NTNG1: variants seen among roughly 807,000 people sequenced by gnomAD.
The protein encoded by NTNG1 is netrin-G1.
A neutral mutation model predicts 54.0 loss-of-function variants in NTNG1; 16 were observed. The ratio of observed to expected loss-of-function variants is 0.30; its 90% CI spans 0.20 to 0.45. NTNG1 has a LOEUF of 0.45. Among genes scored for constraint, NTNG1 ranks in the 20% least tolerant of loss-of-function variants. The pLI is 1.00. For synonymous variants in NTNG1, 255 were observed against 263.1 expected (o/e 0.97, Z 0.30); for missense variants, 530 against 678.7 (o/e 0.78, Z 2.43).
chr1:107,277,836 C>T (rs1664583001), intron 2 of NTNG1, among the ~76,000 whole-genome samples: 1 of 152,160 alleles, frequency 6.6e-6, no homozygotes, highest in Non-Finnish European at 1.5e-5. Context: ...CAAGCCTTTT[C>T]TAAATTCCAA....
At chr1:107,183,664 A>C (rs1233672728) in intron 2 of NTNG1, among the ~76,000 whole-genome samples, 2 of 152,118 alleles carry the variant, frequency 1.3e-5, no homozygotes, top group Non-Finnish European at 2.9e-5. Context: ...TGCTTCATAG[A>C]AATGTCACTG....
chr1:107,461,010 AT>A (rs1390040155), intron 7 of NTNG1, among the ~76,000 whole-genome samples: 3 of 152,180 alleles, frequency 2.0e-5, no homozygotes, highest in Non-Finnish European at 4.4e-5. Flanking sequence ...TCCCTGGCCT[AT>A]TTTTAGGCCC....
intron 5 of NTNG1, chr1:107,418,722 A>G: frequency 1.2e-6 from 1 of 840,718 alleles, no homozygotes; most frequent in Non-Finnish European, 1.9e-6. Flanking sequence ...TTTTTAGCAC[A>G]AAATAAGAGC....
intron 4 of NTNG1, among the ~76,000 whole-genome samples, chr1:107,396,938 G>A (rs567941259): frequency 1.2e-4 from 19 of 152,252 alleles, no homozygotes; most frequent in African/African-American, 4.1e-4. Flanking sequence ...TCTTCTACCC[G>A]TAACTGTACT....
rs550762635 is a variant in NTNG1, at chr1:107,311,989, C to T, written c.247-12293C>T. ...GCTATGCTAAAGAATTTGAATGGTACGCTCGAAGGGTAGTGAGAAATCCAT... is the reference window on the plus strand; with the variant it reads ...GCTATGCTAAAGAATTTGAATGGTATGCTCGAAGGGTAGTGAGAAATCCAT... On this transcript the variant is annotated intron_variant, in intron 2 of 7. Transcript: ENST00000370068. 4.6e-5 allele frequency among the ~76,000 whole-genome samples: 7 copies of T among 152,122 alleles called. No individual in the cohort carries two copies. The South Asian group carries it at 8.3e-4, about 18-fold the overall frequency.
In NTNG1 at chr1:107,479,492, G is replaced by A. The variant is rs543511772; in HGVS notation, c.1391-1119G>A. ...ATTTCACCATGACATTTTTAAAAAT[G>A]GAAAATGTTACAATTTATAAAAAGC... On this transcript the variant is annotated intron_variant, in intron 7 of 7. Transcript: ENST00000370068. Among the ~76,000 whole-genome samples, 281 of 152,154 alleles carry A rather than the reference G, an allele frequency of 1.8e-3. 2 individuals are homozygous for A. The highest frequency in any genetic ancestry group is 6.8e-3 in the Middle Eastern group (2 of 294).
intron 6 of NTNG1, among the ~76,000 whole-genome samples, chr1:107,433,783 C>T (rs560683961): frequency 1.2e-4 from 18 of 152,282 alleles, no homozygotes; most frequent in South Asian, 8.3e-4. Context: ...CTGCTTGAGG[C>T]GCTGAGGACA....
intron 5 of NTNG1, among the ~76,000 whole-genome samples, chr1:107,429,629 G>T (rs376894105): frequency 3.9e-5 from 6 of 152,032 alleles, no homozygotes; most frequent in African/African-American, 1.2e-4. Flanking sequence ...ATTGATGCAA[G>T]AAATATTTTT....
intron 2 of NTNG1, among the ~76,000 whole-genome samples, chr1:107,322,917 A>G (rs777041880): frequency 6.6e-6 from 1 of 152,028 alleles, no homozygotes; most frequent in Non-Finnish European, 1.5e-5. Context: ...GGAAAGAGAG[A>G]GTGAGAGTAT....
At chr1:107,237,931 C>T (rs1453401028) in intron 2 of NTNG1, among the ~76,000 whole-genome samples, 2 of 152,176 alleles carry the variant, frequency 1.3e-5, no homozygotes, top group East Asian at 1.9e-4. Context: ...GTTCGGATCC[C>T]CCACAGAGAG....
chr1:107,276,764 A>G (rs1212761718), intron 2 of NTNG1, among the ~76,000 whole-genome samples: 1 of 152,124 alleles, frequency 6.6e-6, no homozygotes, highest in Non-Finnish European at 1.5e-5. Context: ...CAATAAGATT[A>G]TTAACAATGA....
chr1:107,167,023 A>G (rs755526993), intron 2 of NTNG1, among the ~76,000 whole-genome samples: 1 of 152,136 alleles, frequency 6.6e-6, no homozygotes, highest in Non-Finnish European at 1.5e-5. Flanking sequence ...TGACATTCAG[A>G]GGACATTCTG....
chr1:107,161,346 G>C (rs1224979601), intron 2 of NTNG1, among the ~76,000 whole-genome samples: 2 of 152,128 alleles, frequency 1.3e-5, no homozygotes, highest in Non-Finnish European at 2.9e-5. Context: ...TACATAAGCA[G>C]TATAATAAAT....
chr1:107,156,112 C>G (rs1057200409), intron 2 of NTNG1, among the ~76,000 whole-genome samples: 2 of 152,148 alleles, frequency 1.3e-5, no homozygotes, highest in African/African-American at 4.8e-5. Context: ...GTATCCCTGT[C>G]GTAAAGTGAC....
chr1:107,332,958 G>T (rs1668369986), intron 3 of NTNG1, among the ~76,000 whole-genome samples: 1 of 151,916 alleles, frequency 6.6e-6, no homozygotes, highest in African/African-American at 2.4e-5. Context: ...ACTTATGTTG[G>T]TGTATAAATT....
intron 7 of NTNG1, among the ~76,000 whole-genome samples, chr1:107,466,732 C>A (rs1286850052): frequency 2.0e-5 from 3 of 152,160 alleles, no homozygotes; most frequent in Non-Finnish European, 4.4e-5. Flanking sequence ...TGTATCCAAA[C>A]CAATTCATAA....
At chr1:107,249,240 C>T (rs1257310616) in intron 2 of NTNG1, among the ~76,000 whole-genome samples, 1 of 151,554 alleles carries the variant, frequency 6.6e-6, no homozygotes, top group Non-Finnish European at 1.5e-5. Context: ...AATCCCAGCA[C>T]TTTGGGAGGC....
rs367690007 is a variant in NTNG1, at chr1:107,343,323, A to C, written c.887+18401A>C. ...TAAGAGCAAGCCGCCATGATGATCT[A>C]CTATATTAACATCCATTGGAAGTGT... On this transcript the variant is annotated intron_variant, in intron 3 of 7. Coordinates refer to ENST00000370068, the MANE Select transcript of NTNG1 (RefSeq NM_001113226.3). 2.6e-4 allele frequency among the ~76,000 whole-genome samples: 39 copies of C among 152,248 alleles called. No individual in the cohort carries two copies. In the East Asian group the frequency reaches 3.5e-3, roughly 14 times the overall value.
chr1:107,431,047 T>G (rs952331274), intron 6 of NTNG1, 130 bp downstream of exon 6: 1 of 756,142 alleles, frequency 1.3e-6, no homozygotes, highest in Non-Finnish European at 2.1e-6. Context: ...GAAAATATCC[T>G]ATGGTAGATT....
Sources: allele counts gnomAD v4.1 joint callset (sites outside exome capture counted in the v4.1 genomes callset), GRCh38; gene constraint gnomAD v4.1.1; transcripts MANE v1.5; gene names NCBI Gene and HGNC (gene_info 2026-07-23, HGNC 2026-07-21).